BMPR1B: variants seen among roughly 807,000 people sequenced by gnomAD.
The protein encoded by BMPR1B is bone morphogenetic protein receptor type 1B.
BMPR1B carries 12 observed loss-of-function variants against 59.1 expected under a neutral mutation model. The observed-to-expected ratio is 0.20, with a 90% confidence interval of 0.13 to 0.33. The LOEUF is 0.33. Ranked by LOEUF, BMPR1B falls within the 10% of genes least tolerant of loss-of-function variation. The pLI is 1.00. For synonymous variants in BMPR1B, 237 were observed against 207.3 expected (o/e 1.14, Z -1.23); for missense variants, 550 against 610.9 (o/e 0.90, Z 1.05).
intron 1 of BMPR1B, among the ~76,000 whole-genome samples, chr4:94,802,903 CTCCAAGA>C (rs1723463805): frequency 6.6e-6 from 1 of 152,118 alleles, no homozygotes; most frequent in Non-Finnish European, 1.5e-5. Flanking sequence ...TGTAGCTCTT[CTCCAAGA>C]TGGGGAGGTA....
At chr4:94,950,387 T>C (rs1291931227) in intron 2 of BMPR1B, among the ~76,000 whole-genome samples, 1 of 152,198 alleles carries the variant, frequency 6.6e-6, no homozygotes, top group Non-Finnish European at 1.5e-5. Flanking sequence ...TGAATGGTAT[T>C]GCCTAGGTTT....
intron 2 of BMPR1B, among the ~76,000 whole-genome samples, chr4:94,945,597 G>T (rs1452106155): frequency 6.6e-6 from 1 of 152,044 alleles, no homozygotes; most frequent in African/African-American, 2.4e-5. Context: ...ATCATGCTCA[G>T]CTAATTTTTT....
intron 1 of BMPR1B, among the ~76,000 whole-genome samples, chr4:94,868,860 A>G (rs188305516): frequency 1.2e-4 from 18 of 152,340 alleles, no homozygotes; most frequent in African/African-American, 3.1e-4. Context: ...TTGGTAGACT[A>G]CAGCATGAAG....
intron 1 of BMPR1B, among the ~76,000 whole-genome samples, chr4:94,770,189 T>TG (rs1722131699): frequency 2.2e-5 from 1 of 44,602 alleles, no homozygotes. Context: ...TGTGTTTGTT[T>TG]TTTTTTTTTT....
chr4:95,032,168 G>A (rs1417974101), intron 3 of BMPR1B, among the ~76,000 whole-genome samples: 4 of 152,058 alleles, frequency 2.6e-5, no homozygotes, highest in Admixed American at 1.3e-4. Context: ...CAAGGGGCTT[G>A]AAGCTTCTGT....
At chr4:94,989,339 A>G (rs1382459910) in intron 2 of BMPR1B, among the ~76,000 whole-genome samples, 1 of 150,264 alleles carries the variant, frequency 6.7e-6, no homozygotes, top group East Asian at 2.0e-4. Context: ...CAGTGAGCTG[A>G]GATTGTGCTA....
intron 1 of BMPR1B, among the ~76,000 whole-genome samples, chr4:94,875,016 C>G (rs760120144): frequency 6.6e-6 from 1 of 152,030 alleles, no homozygotes; most frequent in Non-Finnish European, 1.5e-5. Flanking sequence ...ATAAATAAAT[C>G]TGTGGCCAGC....
Position 95,134,038 on chromosome 4 carries a change from G to A in BMPR1B, c.1076+2526G>A, listed in dbSNP as rs533676163. 6.3e-4 allele frequency among the ~76,000 whole-genome samples: 96 copies of A among 151,748 alleles called. 1 individual carries two copies. The highest frequency in any genetic ancestry group is 2.0e-3 in the African/African-American group (83 of 41,402). On this transcript the variant is annotated intron_variant, in intron 10 of 12. Transcript: ENST00000515059. ...GCTATCCCTCCCCCCTCCACCCCAC[G>A]ACAGGCCTGGTGTGTGATGTTCCCC... is the stretch of plus-strand genomic sequence containing the variant.
chr4:94,907,706 A>G lies in BMPR1B; in HGVS notation c.-113+31806A>G, dbSNP rs115551972. On this transcript the variant is annotated intron_variant, in intron 2 of 12. Coordinates refer to ENST00000515059, the MANE Select transcript of BMPR1B (RefSeq NM_001203.3). The stretch of plus-strand genomic sequence containing the variant: ...TATCGTTGCATGTAAAAATATTCCT[A>G]TTTGTTACGGTTTGCTTGTATGTGT... Among the ~76,000 whole-genome samples the G allele has an allele frequency of 5.7e-3, 865 of 151,920 alleles. 7 individuals carry two copies. Among genetic ancestry groups the G allele is most frequent in the African/African-American group, 0.02 (815 of 41,464 alleles).
intron 2 of BMPR1B, among the ~76,000 whole-genome samples, chr4:94,907,617 T>C (rs1401916370): frequency 1.3e-5 from 2 of 151,936 alleles, no homozygotes; most frequent in Non-Finnish European, 2.9e-5. Context: ...CCAGAACCTC[T>C]AGGTAGAGTT....
At chr4:95,010,776 A>G (rs1723164311) in intron 3 of BMPR1B, among the ~76,000 whole-genome samples, 1 of 152,136 alleles carries the variant, frequency 6.6e-6, no homozygotes, top group South Asian at 2.1e-4. Flanking sequence ...GCTAAGAAAG[A>G]TTTGTTTCAG....
At chr4:94,862,067 CA>C (rs1218616469) in intron 1 of BMPR1B, among the ~76,000 whole-genome samples, 1 of 151,308 alleles carries the variant, frequency 6.6e-6, no homozygotes, top group Non-Finnish European at 1.5e-5. Context: ...CAGTACCTGT[CA>C]ACCAACACCT....
intron 1 of BMPR1B, among the ~76,000 whole-genome samples, chr4:94,787,879 T>C (rs1198261227): frequency 4.6e-5 from 7 of 152,186 alleles, no homozygotes; most frequent in Non-Finnish European, 1.5e-5. Flanking sequence ...CAAGATTCAC[T>C]GGAGTTAGTA....
At chr4:94,930,369 G>T (rs1729053207) in intron 2 of BMPR1B, among the ~76,000 whole-genome samples, 1 of 152,048 alleles carries the variant, frequency 6.6e-6, no homozygotes, top group African/African-American at 2.4e-5. Context: ...CTGTGGTTCA[G>T]ATTGGCTGTT....
rs1735527729 is a variant in BMPR1B at position 95,157,883 on chromosome 4, C to T, written c.*3210C>T. ...TTTGAATTCCCCAAACAGAAAGCTT[C>T]TTAGAAAACATGCTGAGATTTTATT... On this transcript the variant is annotated 3_prime_UTR_variant, in exon 13 of 13. Coordinates refer to ENST00000515059, the MANE Select transcript of BMPR1B (RefSeq NM_001203.3). 6.6e-6 allele frequency: 1 copy of T among 152,110 alleles called. No individual in the cohort carries two copies. The highest frequency in any genetic ancestry group is 2.4e-5 in the African/African-American group (1 of 41,422). 9.4% of individuals were successfully genotyped at this position (152,110 alleles called of 1,614,324 possible).
chr4:94,857,154 C>T (rs1725791024), intron 1 of BMPR1B, among the ~76,000 whole-genome samples: 1 of 151,982 alleles, frequency 6.6e-6, no homozygotes, highest in Admixed American at 6.5e-5. Flanking sequence ...AAAATCCAGT[C>T]TGAGAAAGAT....
intron 2 of BMPR1B, among the ~76,000 whole-genome samples, chr4:94,906,322 T>C (rs1450719456): frequency 6.6e-6 from 1 of 152,056 alleles, no homozygotes; most frequent in African/African-American, 2.4e-5. Flanking sequence ...TTGTTTTGCA[T>C]GGTACTTATT....
chr4:95,139,733 C>G (rs1034922331), intron 10 of BMPR1B, among the ~76,000 whole-genome samples: 1 of 152,202 alleles, frequency 6.6e-6, no homozygotes. Context: ...ACCCTCGGAG[C>G]CATGCGCGGG....
At chr4:94,918,181 G>GT (rs527259023) in intron 2 of BMPR1B, among the ~76,000 whole-genome samples, 8 of 151,624 alleles carry the variant, frequency 5.3e-5, no homozygotes, top group East Asian at 3.9e-4. Flanking sequence ...AGAAATACAA[G>GT]TTTTTTTTCA....
Sources: allele counts gnomAD v4.1 joint callset (sites outside exome capture counted in the v4.1 genomes callset), GRCh38; gene constraint gnomAD v4.1.1; transcripts MANE v1.5; gene names NCBI Gene and HGNC (gene_info 2026-07-23, HGNC 2026-07-21).